Variants in IQGAP3 observed in about 807,000 individuals in gnomAD.
IQGAP3 encodes IQ motif containing GTPase activating protein 3.
IQGAP3 carries 165 observed loss-of-function variants against 208.2 expected under a neutral mutation model. The ratio of observed to expected loss-of-function variants is 0.79; its 90% confidence interval spans 0.70 to 0.90. IQGAP3 has a LOEUF of 0.90. IQGAP3 is among the 40% of genes least tolerant of loss of function. IQGAP3 has a pLI of 0.00. For missense variants in IQGAP3, 1,811 were observed against 2,043.1 expected, an observed-to-expected ratio of 0.89 and a Z score of 2.19; for synonymous variants, 703 against 803.6, an observed-to-expected ratio of 0.87 and a Z score of 2.12.
rs551374955 is a variant in IQGAP3, at chr1:156,559,791, T to A, written c.1129+1143A>T. 2.0e-4 allele frequency among the ~76,000 whole-genome samples: 31 copies of A among 152,316 alleles called. No homozygotes were observed. The South Asian group carries it at 6.2e-3, about 31-fold the overall frequency. On this transcript the variant is annotated intron_variant, in intron 11 of 37. Transcript: ENST00000361170. ...GGAATGTGAACAGAAGAGCTGGGGA[T>A]GAACTCTGGAAAGGTCTTATCTGCC...
chr1:156,557,567 G>T (rs1675897712), intron 11 of IQGAP3, among the ~76,000 whole-genome samples: 3 of 89,286 alleles, frequency 3.4e-5, no homozygotes, highest in Non-Finnish European at 7.4e-5. Context: ...GGAGGTGGGG[G>T]GGTCAGCCCC....
chr1:156,555,999 G>A (rs1045185973), intron 12 of IQGAP3, among the ~76,000 whole-genome samples: 28 of 152,138 alleles, frequency 1.8e-4, no homozygotes, highest in African/African-American at 5.3e-4. Flanking sequence ...AAGACTTCCC[G>A]GCTCTGCTTC....
intron 34 of IQGAP3, 49 bp downstream of exon 34, chr1:156,530,056 A>C: frequency 7.0e-7 from 1 of 1,427,094 alleles, no homozygotes; most frequent in Non-Finnish European, 9.7e-7. Flanking sequence ...ATGCACGCAC[A>C]CACACACACG....
At chr1:156,537,687 A>G (rs561741201) in intron 26 of IQGAP3, among the ~76,000 whole-genome samples, 15 of 152,264 alleles carry the variant, frequency 9.9e-5, no homozygotes, top group Middle Eastern at 3.4e-3. Flanking sequence ...CCTCACCTAA[A>G]GCCTCCTGTG....
In IQGAP3 at chr1:156,548,681, C is replaced by T. The variant is rs377341767; in HGVS notation, c.1893G>A (p.Val631=). The part of the protein sequence containing the change: ...KEGKAAQTER[V]LRNPAVALRG... ...GAAGGGCCACTGCGGGGTTCCTCAA[C>T]ACCCGCTCAGTCTGGGCTGCCTTGC... Residue 631 remains valine, a synonymous_variant, in exon 17 of 38, where the codon GTG becomes GTA. Transcript: ENST00000361170. 3.2e-4 allele frequency: 509 copies of T among 1,611,536 alleles called. 1 individual carries two copies. The highest frequency in any genetic ancestry group is 3.1e-5 in the Non-Finnish European group (36 of 1,178,464).
chr1:156,544,020 A>T lies in IQGAP3; in HGVS notation c.2491T>A (p.Phe831Ile). 6.2e-7 allele frequency: 1 copy of T among 1,614,208 alleles called. No homozygotes were observed. Among genetic ancestry groups the T allele is most frequent in the Non-Finnish European group, 8.5e-7 (1 of 1,180,018 alleles). The change falls in exon 22 of 38, where the codon TTC becomes ATC. Residue 831 changes from phenylalanine to isoleucine, a missense_variant. Coordinates refer to ENST00000361170, the MANE Select transcript of IQGAP3 (RefSeq NM_178229.5). ...VNSIVKIQAF[F>I]RARKAQDDYR... ...TCATCTTGGGCTTTCCTGGCTCGGA[A>T]AAATGCCTGGATCTTCACAATGGAG... is the stretch of plus-strand genomic sequence containing the variant.
Position 156,534,077 on chromosome 1 carries a change from A to C in IQGAP3, c.3805T>G (p.Ser1269Ala). The C allele has an allele frequency of 6.2e-7, 1 of 1,614,032 alleles. No homozygotes were observed. The highest frequency in any genetic ancestry group is 8.5e-7 in the Non-Finnish European group (1 of 1,180,004). ...GGTTTGGCCACAGCCACCATGTCTG[A>C]GTACTCGTCCACTGCAAAACGCTCC... Reference protein sequence around the residue: ...PEERFAVDEYSDMVAVAKPMV... With the variant: ...PEERFAVDEYADMVAVAKPMV... Residue 1269 changes from serine (S) to alanine (A), a missense_variant, in exon 30 of 38, where the codon TCA (serine) becomes GCA (alanine). Ser to Ala is a moderately conservative substitution (Grantham distance 99). Transcript: ENST00000361170.
intron 12 of IQGAP3, among the ~76,000 whole-genome samples, chr1:156,555,084 CCTGGGTATA>C (rs1571347384): frequency 6.6e-6 from 1 of 151,982 alleles, no homozygotes; most frequent in Non-Finnish European, 1.5e-5. Context: ...TGCACTAGGC[CCTGGGTATA>C]CAGAGATGAA....
chr1:156,543,288 C>T (rs1190757308), intron 22 of IQGAP3, among the ~76,000 whole-genome samples: 2 of 152,022 alleles, frequency 1.3e-5, no homozygotes, highest in African/African-American at 4.8e-5. Context: ...GTGGGCAGGA[C>T]AGGGGCGAAG....
chr1:156,552,323 A>G (rs770428219), intron 13 of IQGAP3, among the ~76,000 whole-genome samples: 2 of 152,146 alleles, frequency 1.3e-5, no homozygotes, highest in Non-Finnish European at 2.9e-5. Context: ...TTCTCTCTCC[A>G]TACTTACATT....
intron 4 of IQGAP3, 84 bp downstream of exon 4, chr1:156,565,943 G>C (rs773383341): frequency 2.0e-6 from 2 of 1,009,536 alleles, no homozygotes; most frequent in Non-Finnish European, 1.6e-6. Context: ...TAGGGCTAAA[G>C]GGTCCAGGGA....
chr1:156,531,455 CAT>C (rs1674398909), intron 32 of IQGAP3, among the ~76,000 whole-genome samples: 1 of 152,114 alleles, frequency 6.6e-6, no homozygotes, highest in African/African-American at 2.4e-5. Context: ...GCTGAGCACA[CAT>C]GTCCTTCCCA....
chr1:156,535,077 T>C (rs1340039689), intron 28 of IQGAP3, 86 bp downstream of exon 28: 2 of 1,003,302 alleles, frequency 2.0e-6, no homozygotes, highest in African/African-American at 3.2e-5. Context: ...ATAGGATTTT[T>C]TGTGTTTTTG....
rs1265160491 is a variant in IQGAP3 at position 156,563,782 on chromosome 1, A to G, written c.480T>C (p.Asp160=). The G allele has an allele frequency of 6.2e-7, 1 of 1,614,038 alleles. No individual in the cohort carries two copies. Among genetic ancestry groups the G allele is most frequent in the Non-Finnish European group, 8.5e-7 (1 of 1,179,992 alleles). The part of the protein sequence containing the change: ...FRLGLAPQIH[D]LYGKVKFTAE... ...CTGTGAATTTCACTTTCCCGTATAGATCATGTATCTGAGGGGCCAATCCCA... is the reference window on the plus strand; with the variant it reads ...CTGTGAATTTCACTTTCCCGTATAGGTCATGTATCTGAGGGGCCAATCCCA... Residue 160 remains aspartate (D), a synonymous_variant, in exon 6 of 38, where the codon GAT becomes GAC. Coordinates refer to ENST00000361170, the MANE Select transcript of IQGAP3 (RefSeq NM_178229.5).
intron 34 of IQGAP3, among the ~76,000 whole-genome samples, chr1:156,529,337 T>C (rs1674267859): frequency 1.3e-5 from 2 of 152,246 alleles, no homozygotes; most frequent in South Asian, 4.1e-4. Flanking sequence ...AGGATACTTT[T>C]GTAGGTCATA....
At chr1:156,551,006 C>T (rs1330031332) in intron 15 of IQGAP3, among the ~76,000 whole-genome samples, 1 of 152,232 alleles carries the variant, frequency 6.6e-6, no homozygotes, top group Non-Finnish European at 1.5e-5. Flanking sequence ...TTATTGAGTA[C>T]TGACTATGTG....
At chr1:156,537,368 G>T in intron 26 of IQGAP3, 47 bp from the exon 27 acceptor site, 3 of 1,556,190 alleles carry the variant, frequency 1.9e-6, no homozygotes, top group Non-Finnish European at 1.7e-6. Flanking sequence ...CCCTCCAATG[G>T]CCTCCTTCCC....
chr1:156,530,281 C>T lies in IQGAP3; in HGVS notation c.4228G>A (p.Ala1410Thr), dbSNP rs775597435. ...GGCTCCGGTGTCTGGGCTGTACAGGCCTGGCGTCGGCTCATCAGCTGCTTG... is the reference window on the plus strand; with the variant it reads ...GGCTCCGGTGTCTGGGCTGTACAGGTCTGGCGTCGGCTCATCAGCTGCTTG... ...AHKQLMSRRQ[A>T]CTAQTPEPLR... The change falls in exon 34 of 38, where the codon GCC (alanine) becomes ACC (threonine). Residue 1410 changes from alanine to threonine, a missense_variant. Ala to Thr is a moderately conservative substitution (Grantham distance 58). Transcript: ENST00000361170. The T allele has an allele frequency of 3.7e-6, 6 of 1,611,172 alleles. No individual in the cohort carries two copies. The Admixed American group carries it at 5.0e-5, about 13-fold the overall frequency.
rs762728562 is a variant in IQGAP3, at chr1:156,534,583, C to T, written c.3658G>A (p.Ala1220Thr). Reference sequence around the variant, plus strand: ...TGCCCAGAGAAGGCCTTGCCAGCCGCAGCGTGCTGTAGGAGCTGAGCCACA... The same window carrying T: ...TGCCCAGAGAAGGCCTTGCCAGCCGTAGCGTGCTGTAGGAGCTGAGCCACA... ...GAVAQLLQHA[A>T]AGKAFSGQSQ... is the part of the protein sequence containing the mutation. Residue 1220 changes from alanine (A) to threonine (T), a missense_variant, in exon 29 of 38, where the codon GCG becomes ACG. By Grantham distance (58) the Ala-to-Thr change is moderately conservative. Transcript: ENST00000361170. The T allele has an allele frequency of 4.3e-6, 7 of 1,612,206 alleles. No homozygotes were observed. Among genetic ancestry groups the T allele is most frequent in the Non-Finnish European group, 5.9e-6 (7 of 1,179,412 alleles).
Sources: allele counts gnomAD v4.1 joint callset (sites outside exome capture counted in the v4.1 genomes callset), GRCh38; gene constraint gnomAD v4.1.1; transcripts MANE v1.5; gene names NCBI Gene and HGNC (gene_info 2026-07-23, HGNC 2026-07-21).